SRGAP2: variants seen among roughly 807,000 people sequenced by gnomAD.
SRGAP2 encodes SLIT-ROBO Rho GTPase-activating protein 2.
Under a neutral mutation model 57.2 loss-of-function variants are expected in SRGAP2, and 15 were observed. The observed-to-expected ratio is 0.26, with a 90% confidence interval of 0.18 to 0.40. The LOEUF (loss-of-function observed/expected upper bound fraction) is 0.40. SRGAP2 is among the 10% of genes least tolerant of loss of function. SRGAP2 has a pLI of 1.00. For synonymous variants in SRGAP2, 249 were observed against 248.0 expected (o/e 1.00, Z -0.04); for missense variants, 520 against 669.6 (o/e 0.78, Z 2.47).
chr1:206,456,839 C>T (rs1209741302), intron 21 of SRGAP2, among the ~76,000 whole-genome samples: 1 of 152,142 alleles, frequency 6.6e-6, no homozygotes, highest in African/African-American at 2.4e-5. Flanking sequence ...TTGAGTTTCC[C>T]GAGTGCCCAG....
chr1:206,286,380 G>A (rs1373917552), intron 2 of SRGAP2, among the ~76,000 whole-genome samples: 13 of 151,798 alleles, frequency 8.6e-5, no homozygotes, highest in East Asian at 5.8e-4. Flanking sequence ...GTAAATACTC[G>A]TTATAAAAAA....
chr1:206,424,313 T>C (rs782278174), intron 13 of SRGAP2, among the ~76,000 whole-genome samples: 1 of 151,884 alleles, frequency 6.6e-6, no homozygotes, highest in Admixed American at 6.6e-5. Context: ...ATTTCTAACA[T>C]TGGAGGAGGG....
chr1:206,208,438 TAGAG>T (rs1176044976), intron 2 of SRGAP2, among the ~76,000 whole-genome samples: 3 of 151,698 alleles, frequency 2.0e-5, no homozygotes, highest in Non-Finnish European at 2.9e-5. Context: ...AACTGAGGCT[TAGAG>T]AGGATGAGAA....
chr1:206,295,827 G>A (rs1671559213), intron 2 of SRGAP2, among the ~76,000 whole-genome samples: 1 of 152,130 alleles, frequency 6.6e-6, no homozygotes, highest in Non-Finnish European at 1.5e-5. Context: ...ATCCATTACA[G>A]CCCCTTTGCA....
rs1174940490 is a variant in SRGAP2, at chr1:206,438,025, G to A, written c.1695G>A (p.Leu565=). ...DHDMDSIAGV[L]KLYFRGLEHP... ...ACATGGATTCCATAGCTGGTGTCCT[G>A]AAGCTTTACTTCCGGGGGCTGGAAC... Residue 565 remains leucine, a synonymous_variant, in exon 16 of 23, where the codon CTG becomes CTA. Transcript: ENST00000573034. 2.6e-6 allele frequency: 2 copies of A among 780,796 alleles called. No individual in the cohort carries two copies. The highest frequency in any genetic ancestry group is 1.7e-5 in the African/African-American group (1 of 59,142). 48.4% of individuals were successfully genotyped at this position (780,796 alleles called of 1,614,324 possible). A position where few individuals can be genotyped will look rare whatever the true frequency, so the allele number is the denominator to read the frequency against.
rs782493004 is a variant in SRGAP2, at chr1:206,203,798, G to GC, written c.-543+155dup. 1,061 of 1,531,966 alleles carry GC rather than the reference G, an allele frequency of 6.9e-4. 2 individuals carry two copies. The highest frequency in any genetic ancestry group is 1.6e-3 in the South Asian group (137 of 83,302). 94.9% of individuals were successfully genotyped at this position (1,531,966 alleles called of 1,614,324 possible). A position where few individuals can be genotyped will look rare whatever the true frequency, so the allele number is the denominator to read the frequency against. ...GGTGCCGCCCGGAATCCCTCAGACC[G>GC]CCCCCCCTCCACCCTCTCCAAATCT... On this transcript the variant is annotated intron_variant, in intron 1 of 22. Transcript: ENST00000573034.
chr1:206,395,727 G>A (rs1263614181), intron 7 of SRGAP2, among the ~76,000 whole-genome samples: 1 of 150,574 alleles, frequency 6.6e-6, no homozygotes, highest in African/African-American at 2.5e-5. Flanking sequence ...GGTTACTGCT[G>A]TATCAGCCAC....
intron 10 of SRGAP2, among the ~76,000 whole-genome samples, chr1:206,414,023 CTTTT>C (rs1265314116): frequency 4.1e-5 from 6 of 146,114 alleles, no homozygotes; most frequent in Non-Finnish European, 9.0e-5. Flanking sequence ...CTTTTCTTTT[CTTTT>C]TCTTTCTTTT....
Position 206,438,011 on chromosome 1 carries a change from A to G in SRGAP2, c.1681A>G (p.Ile561Val). 1.3e-6 allele frequency: 1 copy of G among 780,890 alleles called. No homozygotes were observed. Among genetic ancestry groups the G allele is most frequent in the Admixed American group, 1.7e-5 (1 of 59,046 alleles). The allele number at this position is 780,890 out of a possible 1,614,324, so 48.4% of individuals were successfully genotyped here. A position where few individuals can be genotyped will look rare whatever the true frequency, so the allele number is the denominator to read the frequency against. ...CCAGAACGACCATGACATGGATTCC[A>G]TAGCTGGTGTCCTGAAGCTTTACTT... ...GDQNDHDMDS[I>V]AGVLKLYFRG... Residue 561 changes from isoleucine to valine, a missense_variant, in exon 16 of 23, where the codon ATA becomes GTA. This residue lies in a region of SRGAP2 where 478 missense variants were observed against 373.6 expected (regional missense o/e 1.28). Transcript: ENST00000573034.
chr1:206,298,888 TA>T (rs1671728803), intron 2 of SRGAP2, among the ~76,000 whole-genome samples: 5 of 152,002 alleles, frequency 3.3e-5, no homozygotes, highest in African/African-American at 9.7e-5. Flanking sequence ...TAATAAAGAA[TA>T]TTTAAAGCAG....
intron 14 of SRGAP2, among the ~76,000 whole-genome samples, chr1:206,432,649 G>GA (rs1379353516): frequency 2.0e-5 from 3 of 152,008 alleles, no homozygotes; most frequent in Non-Finnish European, 4.4e-5. Flanking sequence ...GTTGTTAAGT[G>GA]AAAAAAACAA....
intron 2 of SRGAP2, among the ~76,000 whole-genome samples, chr1:206,251,755 G>C: frequency 1.1e-5 from 1 of 87,866 alleles, no homozygotes; most frequent in Non-Finnish European, 2.1e-5. Flanking sequence ...CCCAATCTGG[G>C]GTGCAGTGGT....
chr1:206,422,948 G>A (rs11119916), intron 13 of SRGAP2, among the ~76,000 whole-genome samples: 7,324 of 152,218 alleles, frequency 0.048, 448 homozygotes, highest in African/African-American at 0.14. Context: ...TTCCTAAGAT[G>A]GTCAGGAAGA....
chr1:206,253,698 T>G (rs1668996561), intron 2 of SRGAP2, among the ~76,000 whole-genome samples: 1 of 150,252 alleles, frequency 6.7e-6, no homozygotes, highest in Non-Finnish European at 1.5e-5. Flanking sequence ...TTCTCCAGCT[T>G]CAGCTCCCGA....
chr1:206,314,402 G>A (rs1395512903), intron 3 of SRGAP2, among the ~76,000 whole-genome samples: 5 of 152,166 alleles, frequency 3.3e-5, no homozygotes, highest in Admixed American at 2.6e-4. Flanking sequence ...CCAAAGTGCT[G>A]GGATTACAGG....
intron 2 of SRGAP2, among the ~76,000 whole-genome samples, chr1:206,282,899 AG>A (rs1325905842): frequency 7.1e-6 from 1 of 140,958 alleles, no homozygotes; most frequent in Non-Finnish European, 1.5e-5. Flanking sequence ...CATTGCTCTT[AG>A]GAACAATTCC....
chr1:206,304,497 A>G (rs1311005929), intron 3 of SRGAP2, among the ~76,000 whole-genome samples: 1 of 150,990 alleles, frequency 6.6e-6, no homozygotes, highest in Non-Finnish European at 1.5e-5. Flanking sequence ...ATAGCTGATG[A>G]GCTTAAAAAA....
rs11576488 is a variant in SRGAP2, at chr1:206,462,229, C to T, written c.*809C>T. The T allele has an allele frequency of 0.2, 31,112 of 152,574 alleles. 4,068 individuals carry two copies. Among genetic ancestry groups the T allele is most frequent in the East Asian group, 0.66 (3,392 of 5,166 alleles). The allele number at this position is 152,574 out of a possible 1,614,324, so 9.5% of individuals were successfully genotyped here. A position where few individuals can be genotyped will look rare whatever the true frequency, so the allele number is the denominator to read the frequency against. ...TCCTCCATCCCCTAGAAGTACACCC[C>T]CGTCTTATTAAGGAGCTTTTAAAGT... On this transcript the variant is annotated 3_prime_UTR_variant, in exon 23 of 23. Coordinates refer to ENST00000573034, the MANE Select transcript of SRGAP2 (RefSeq NM_015326.5).
At position 206,454,096 on chromosome 1, in the gene SRGAP2, C is replaced by A; in HGVS notation, c.2360+716C>A. 1 of 702,090 alleles carries A rather than the reference C, an allele frequency of 1.4e-6. No homozygotes were observed. The highest frequency in any genetic ancestry group is 2.6e-6 in the Non-Finnish European group (1 of 384,722). 43.5% of individuals were successfully genotyped at this position (702,090 alleles called of 1,614,324 possible). On this transcript the variant is annotated intron_variant, in intron 20 of 22. Transcript: ENST00000573034. This position sits in a 1 kb window ranked among gnomAD's most constrained non-coding sequence, Gnocchi z 4.3. ...GTCCCCAGCTCCCCTCCCTTGGATA[C>A]GATGCTGTCAGTGTTTTTAGTCCTT...
Sources: allele counts gnomAD v4.1 joint callset (sites outside exome capture counted in the v4.1 genomes callset), GRCh38; gene constraint gnomAD v4.1.1; regional missense constraint gnomAD v4.1.1; non-coding constraint Gnocchi (gnomAD v3.1); transcripts MANE v1.5; gene names NCBI Gene and HGNC (gene_info 2026-07-23, HGNC 2026-07-21).